The following TANC2 variants were observed in gnomAD, a reference collection of about 807,000 sequenced individuals.
TANC2 encodes protein TANC2.
A neutral mutation model predicts 210.5 loss-of-function variants in TANC2; 26 were observed. That is an observed-to-expected ratio of 0.12 (90% CI 0.09 to 0.17). TANC2 has a LOEUF of 0.17. Ranked by LOEUF, TANC2 falls within the 10% of genes least tolerant of loss-of-function variation. The pLI is 1.00. For synonymous variants in TANC2, 931 were observed against 967.1 expected (o/e 0.96, Z 0.69); for missense variants, 2,129 against 2,608.9 (o/e 0.82, Z 4.01).
At chr17:63,075,256 G>A (rs2036530267) in intron 3 of TANC2, among the ~76,000 whole-genome samples, 1 of 152,024 alleles carries the variant, frequency 6.6e-6, no homozygotes, top group African/African-American at 2.4e-5. Flanking sequence ...ATTTTATTAA[G>A]TATCAAATAT....
chr17:63,394,602 G>A (rs114294536), intron 17 of TANC2, among the ~76,000 whole-genome samples: 72 of 152,288 alleles, frequency 4.7e-4, no homozygotes, highest in African/African-American at 1.6e-3. Context: ...GACCTTTTCC[G>A]CCTTAGAGTT....
chr17:63,080,611 A>G (rs2036737505), intron 3 of TANC2, among the ~76,000 whole-genome samples: 1 of 152,224 alleles, frequency 6.6e-6, no homozygotes, highest in South Asian at 2.1e-4. Flanking sequence ...CAAATATACT[A>G]TATTCTGATC....
chr17:63,340,391 G>A (rs1324488474), intron 12 of TANC2, 59 bp downstream of exon 12: 9 of 1,394,336 alleles, frequency 6.5e-6, no homozygotes, highest in Non-Finnish European at 8.0e-6. Flanking sequence ...GTTCACCCGG[G>A]TCATACTATA....
At chr17:63,180,648 TAAG>T (rs2040749402) in intron 5 of TANC2, among the ~76,000 whole-genome samples, 2 of 152,208 alleles carry the variant, frequency 1.3e-5, no homozygotes, top group Admixed American at 6.5e-5. Flanking sequence ...TGTCCTTCTC[TAAG>T]AAGTACTTAC....
At chr17:63,045,691 C>T (rs1309972845) in intron 2 of TANC2, among the ~76,000 whole-genome samples, 2 of 152,106 alleles carry the variant, frequency 1.3e-5, no homozygotes, top group African/African-American at 2.4e-5. Context: ...CCTTTTCTTA[C>T]ATCCAGTGAT....
rs2049009905 is a variant in TANC2, at chr17:63,421,041, T to A, written c.5311T>A (p.Cys1771Ser). 1 of 1,613,918 alleles carries A rather than the reference T, an allele frequency of 6.2e-7. No homozygotes were observed. Among genetic ancestry groups the A allele is most frequent in the African/African-American group, 1.3e-5 (1 of 74,934 alleles). Residue 1771 changes from cysteine (C) to serine (S), a missense_variant, in exon 28 of 28, where the codon TGT becomes AGT. Around this residue, in one of 5 missense-constraint regions of TANC2, gnomAD observed 584 missense variants for 627.3 expected, o/e 0.93. Transcript: ENST00000689528. The surrounding 1 kb of genome is among the most constrained non-coding windows in gnomAD (Gnocchi z 6.9). ...AGCCAGCCTGAGTGCAGGCGCCATCTGTCAGCATGGAGGATTGACCAAAGA... is the reference window on the plus strand; with the variant it reads ...AGCCAGCCTGAGTGCAGGCGCCATCAGTCAGCATGGAGGATTGACCAAAGA...
rs1217661160 is a variant in TANC2 at position 63,181,917 on chromosome 17, C to G, written c.434-12074C>G. ...TGTACTTGCCTCGTGTCACTACCACCCTTATTTTGACAGTTGTATCACTCC... is the reference window on the plus strand; with the variant it reads ...TGTACTTGCCTCGTGTCACTACCACGCTTATTTTGACAGTTGTATCACTCC... On this transcript the variant is annotated intron_variant, in intron 5 of 27. Transcript: ENST00000689528. 2.0e-5 allele frequency among the ~76,000 whole-genome samples: 3 copies of G among 152,188 alleles called. No individual in the cohort carries two copies. The East Asian group carries it at 5.8e-4, about 29-fold the overall frequency.
intron 1 of TANC2, chr17:63,004,592 TA>T (rs60120400): frequency 0.52 from 80,313 of 153,050 alleles, 20,428 homozygotes; most frequent in African/African-American, 0.73. Context: ...AGCATAGCTT[TA>T]AAAAAAAAAA....
At position 63,420,388 on chromosome 17, in the gene TANC2, G is replaced by A. The variant is rs374716902; in HGVS notation, c.4658G>A (p.Arg1553Gln). ...GGCTCTCATCAGGTTTTTGACTTCCGGTCCAGTAGTTCTGTAGGCTCTCCC... is the reference window on the plus strand; with the variant it reads ...GGCTCTCATCAGGTTTTTGACTTCCAGTCCAGTAGTTCTGTAGGCTCTCCC... The change falls in exon 28 of 28, where the codon CGG (arginine) becomes CAG (glutamine). Residue 1553 changes from arginine (R) to glutamine (Q), a missense_variant. This residue lies in a region of TANC2 where 584 missense variants were observed against 627.3 expected (regional missense o/e 0.93). Coordinates refer to ENST00000689528, the Ensembl canonical transcript of TANC2. This position sits in a 1 kb window ranked among gnomAD's most constrained non-coding sequence, Gnocchi z 4.2. 2.9e-5 allele frequency: 47 copies of A among 1,613,684 alleles called. No individual in the cohort carries two copies. The highest frequency in any genetic ancestry group is 1.6e-4 in the Middle Eastern group (1 of 6,084).
At chr17:63,284,377 G>C (rs1318074263) in intron 9 of TANC2, among the ~76,000 whole-genome samples, 1 of 151,954 alleles carries the variant, frequency 6.6e-6, no homozygotes, top group Non-Finnish European at 1.5e-5. Context: ...GTTCATGAGA[G>C]ATACTGGTTT....
chr17:63,399,613 C>T (rs891096889), intron 19 of TANC2, among the ~76,000 whole-genome samples: 1 of 152,100 alleles, frequency 6.6e-6, no homozygotes, highest in Non-Finnish European at 1.5e-5. Context: ...TTTTATGAAA[C>T]CAGGGCAATG....
intron 1 of TANC2, among the ~76,000 whole-genome samples, chr17:62,994,571 G>A (rs1276373647): frequency 6.6e-6 from 1 of 151,970 alleles, no homozygotes; most frequent in Non-Finnish European, 1.5e-5. Flanking sequence ...ATCATGAAAG[G>A]GTGTTGCCTT....
chr17:63,372,156 A>C (rs1274325634), intron 14 of TANC2, among the ~76,000 whole-genome samples: 1 of 152,208 alleles, frequency 6.6e-6, no homozygotes, highest in Non-Finnish European at 1.5e-5. Flanking sequence ...ATCCTCCTGA[A>C]AACCTCTGGT....
At chr17:63,358,388 T>A (rs2046849695) in intron 14 of TANC2, among the ~76,000 whole-genome samples, 1 of 149,412 alleles carries the variant, frequency 6.7e-6, no homozygotes, top group African/African-American at 2.5e-5. Context: ...TATGTGTGTG[T>A]GTGTGTGTGT....
intron 5 of TANC2, among the ~76,000 whole-genome samples, chr17:63,161,108 A>G (rs546179694): frequency 4.6e-5 from 7 of 152,308 alleles, no homozygotes; most frequent in Non-Finnish European, 7.3e-5. Flanking sequence ...TCCTTTAATG[A>G]GTTTTCTCAA....
chr17:63,383,853 A>G (rs1014726515), intron 15 of TANC2, among the ~76,000 whole-genome samples: 2 of 152,148 alleles, frequency 1.3e-5, no homozygotes, highest in Non-Finnish European at 2.9e-5. Flanking sequence ...GTATTTTTGA[A>G]AAGCTTCCCA....
intron 9 of TANC2, among the ~76,000 whole-genome samples, chr17:63,293,562 A>G (rs1350277271): frequency 6.6e-6 from 1 of 152,122 alleles, no homozygotes; most frequent in East Asian, 1.9e-4. Flanking sequence ...GTTGTTTTCC[A>G]TGAATAAATA....
intron 12 of TANC2, among the ~76,000 whole-genome samples, 193 bp downstream of exon 12, chr17:63,340,525 C>G (rs1046412464): frequency 1.3e-5 from 2 of 151,796 alleles, no homozygotes; most frequent in African/African-American, 4.8e-5. Flanking sequence ...ACTACTCCTT[C>G]CTCTTTTCTT....
chr17:63,073,101 G>T (rs902127946), intron 2 of TANC2, among the ~76,000 whole-genome samples: 1 of 152,004 alleles, frequency 6.6e-6, no homozygotes, highest in African/African-American at 2.4e-5. Flanking sequence ...ATGCCTTAAT[G>T]CATTTTTCAT....
Sources: gnomAD v4.1 joint callset for allele counts (sites outside exome capture counted in the v4.1 genomes callset) on GRCh38, gnomAD v4.1.1 for gene constraint, gnomAD v4.1.1 regional missense constraint, Gnocchi (gnomAD v3.1) non-coding constraint, MANE v1.5 for transcripts, NCBI Gene and HGNC (gene_info 2026-07-23, HGNC 2026-07-21) for gene names.